The following ITGA8 variants were observed in gnomAD, a reference collection of about 807,000 sequenced individuals.
ITGA8 encodes the protein integrin subunit alpha 8.
Under a neutral mutation model 142.3 loss-of-function variants are expected in ITGA8, and 91 were observed. That is an observed-to-expected ratio of 0.64 (90% CI 0.54 to 0.76). ITGA8 has a LOEUF of 0.76. Among genes scored for constraint, ITGA8 ranks in the 30% least tolerant of loss-of-function variants. The pLI, the probability that ITGA8 is intolerant of heterozygous loss-of-function variation, is 0.00. For missense variants in ITGA8, 1,406 were observed against 1,327.7 expected (o/e 1.06, Z -0.92); for synonymous variants, 505 against 485.2 (o/e 1.04, Z -0.54).
At chr10:15,606,095 C>T (rs997044992) in intron 18 of ITGA8, among the ~76,000 whole-genome samples, 190 bp downstream of exon 18, 8 of 152,062 alleles carry the variant, frequency 5.3e-5, no homozygotes, top group Non-Finnish European at 7.4e-5. Context: ...CTTGATTGCA[C>T]AAGAGGAAAG....
At chr10:15,518,698 T>C (rs1320324916) in intron 29 of ITGA8, among the ~76,000 whole-genome samples, 1 of 152,196 alleles carries the variant, frequency 6.6e-6, no homozygotes, top group African/African-American at 2.4e-5. Flanking sequence ...TTGTGGACTT[T>C]TAGAACAAAC....
chr10:15,712,763 C>G (rs956030207), intron 2 of ITGA8, among the ~76,000 whole-genome samples: 1 of 152,134 alleles, frequency 6.6e-6, no homozygotes, highest in African/African-American at 2.4e-5. Flanking sequence ...AAGGAAAGTT[C>G]GAATGTGCAC....
At chr10:15,523,755 C>CAAAA (rs1833111255) in intron 28 of ITGA8, among the ~76,000 whole-genome samples, 1 of 86,062 alleles carries the variant, frequency 1.2e-5, no homozygotes, top group African/African-American at 7.8e-5. Flanking sequence ...ACTAAAAATA[C>CAAAA]CAAAAAAAAA....
chr10:15,611,685 G>A (rs1833298399), intron 15 of ITGA8: 1 of 146,236 alleles, frequency 6.8e-6, no homozygotes, highest in Non-Finnish European at 1.5e-5. Context: ...TAGAGACAGG[G>A]TTTCACCATG....
intron 13 of ITGA8, among the ~76,000 whole-genome samples, chr10:15,625,831 C>T (rs1833572056): frequency 6.6e-6 from 1 of 152,144 alleles, no homozygotes; most frequent in South Asian, 2.1e-4. Context: ...TAAGGTTTTC[C>T]TTTTAATGAA....
intron 21 of ITGA8, chr10:15,596,677 A>T (rs570895847): frequency 6.5e-6 from 1 of 153,388 alleles, no homozygotes; most frequent in African/African-American, 2.4e-5. Context: ...TCAAATGCTC[A>T]AGCAAAAGTA....
intron 21 of ITGA8, among the ~76,000 whole-genome samples, chr10:15,595,778 C>A (rs1242885439): frequency 2.0e-5 from 3 of 152,056 alleles, no homozygotes; most frequent in African/African-American, 7.2e-5. Flanking sequence ...TAAATTAGGC[C>A]ATTGAGGCTG....
intron 8 of ITGA8, among the ~76,000 whole-genome samples, chr10:15,662,697 CAT>C (rs1336230853): frequency 6.6e-6 from 1 of 152,180 alleles, no homozygotes; most frequent in African/African-American, 2.4e-5. Context: ...CCTAGGAACA[CAT>C]GACTTGAGTA....
rs762406074 is a variant in ITGA8, at chr10:15,575,579, C to A, written c.2388G>T (p.Pro796=). 6.2e-7 allele frequency: 1 copy of A among 1,613,522 alleles called. No individual in the cohort carries two copies. The highest frequency in any genetic ancestry group is 8.5e-7 in the Non-Finnish European group (1 of 1,179,582). ...AGTTATGAATGGGCAGAACAATCTGCGGAGGGTGTGACACTCTGAAACATG... is the reference window on the plus strand; with the variant it reads ...AGTTATGAATGGGCAGAACAATCTGAGGAGGGTGTGACACTCTGAAACATG... The part of the protein sequence containing the change: ...QVEIRGVSHP[P]QIVLPIHNWE... Residue 796 remains proline (P), a synonymous_variant, in exon 24 of 30, where the codon CCG becomes CCT. Coordinates refer to ENST00000378076, the MANE Select transcript of ITGA8 (RefSeq NM_003638.3).
rs759346104 is a variant in ITGA8 at position 15,646,952 on chromosome 10, G to C, written c.1101C>G (p.Ser367Arg). 2.5e-6 allele frequency: 4 copies of C among 1,613,962 alleles called. No homozygotes were observed. The highest frequency in any genetic ancestry group is 8.5e-7 in the Non-Finnish European group (1 of 1,179,954). ...TCTGGGGGTCTCTGAAGAGGAGAGA[G>C]CTCACTTGCAAATACAGGTAGATTT... Reference protein sequence around the residue: ...VGQIYLYLQVSSLLFRDPQIL... With the variant: ...VGQIYLYLQVRSLLFRDPQIL... The change falls in exon 12 of 30, where the codon AGC becomes AGG. Residue 367 changes from serine to arginine, a missense_variant. Transcript: ENST00000378076.
intron 13 of ITGA8, among the ~76,000 whole-genome samples, chr10:15,632,472 A>G (rs1833701278): frequency 1.3e-5 from 2 of 152,220 alleles, no homozygotes; most frequent in African/African-American, 4.8e-5. Context: ...TGCAGCTGTG[A>G]GTGTAGACAA....
intron 10 of ITGA8, 49 bp from the exon 11 acceptor site, chr10:15,655,455 T>A: frequency 8.1e-7 from 1 of 1,238,326 alleles, no homozygotes; most frequent in Non-Finnish European, 1.2e-6. Flanking sequence ...AAAGTCATTT[T>A]TGTAGTCATG....
chr10:15,603,759 C>T (rs1190092021), intron 20 of ITGA8, among the ~76,000 whole-genome samples: 2 of 152,156 alleles, frequency 1.3e-5, no homozygotes, highest in East Asian at 1.9e-4. Context: ...CTTCCTGTGT[C>T]GGTCCAGGCT....
chr10:15,615,667 C>T (rs1475642163), intron 14 of ITGA8, among the ~76,000 whole-genome samples: 9 of 152,154 alleles, frequency 5.9e-5, no homozygotes, highest in African/African-American at 2.2e-4. Context: ...GCGTGTACCA[C>T]CATGTCCGGC....
chr10:15,713,372 C>G (rs1030869371), intron 2 of ITGA8, among the ~76,000 whole-genome samples: 3 of 152,202 alleles, frequency 2.0e-5, no homozygotes, highest in African/African-American at 4.8e-5. Context: ...GCAAAACTTA[C>G]TCTCATTGTT....
intron 25 of ITGA8, among the ~76,000 whole-genome samples, chr10:15,568,872 G>A (rs138785030): frequency 1.8e-3 from 279 of 152,284 alleles, no homozygotes; most frequent in African/African-American, 6.2e-3. Flanking sequence ...GGTGGAAATC[G>A]ATTTAACTGA....
intron 21 of ITGA8, among the ~76,000 whole-genome samples, chr10:15,596,066 T>C (rs1002504458): frequency 2.6e-5 from 4 of 152,016 alleles, no homozygotes; most frequent in Non-Finnish European, 5.9e-5. Context: ...TAAAATAAAA[T>C]AGGCGGTTGG....
chr10:15,576,519 A>G (rs530173931), intron 23 of ITGA8, among the ~76,000 whole-genome samples: 3 of 152,324 alleles, frequency 2.0e-5, no homozygotes, highest in African/African-American at 4.8e-5. Flanking sequence ...TTTCAACTGA[A>G]AGTAACCTCA....
intron 27 of ITGA8, among the ~76,000 whole-genome samples, chr10:15,534,963 G>A (rs1833391547): frequency 6.6e-6 from 1 of 152,230 alleles, no homozygotes; most frequent in Non-Finnish European, 1.5e-5. Flanking sequence ...GCCGGGAGGT[G>A]TGGAGGGAGA....
Sources: gnomAD v4.1 joint callset for allele counts (sites outside exome capture counted in the v4.1 genomes callset) on GRCh38, gnomAD v4.1.1 for gene constraint, MANE v1.5 for transcripts, NCBI Gene and HGNC (gene_info 2026-07-23, HGNC 2026-07-21) for gene names.